Variants in PCNX2 observed in about 807,000 individuals in gnomAD.
The protein encoded by PCNX2 is pecanex 2.
PCNX2 carries 168 observed loss-of-function variants against 223.8 expected under a neutral mutation model. That is an observed-to-expected ratio of 0.75 (90% CI 0.66 to 0.85). The LOEUF (loss-of-function observed/expected upper bound fraction) is 0.85. Ranked by LOEUF, PCNX2 falls within the 40% of genes least tolerant of loss-of-function variation. PCNX2 has a pLI of 0.00. For missense variants in PCNX2, 2,507 were observed against 2,675.5 expected, an observed-to-expected ratio of 0.94 and a Z score of 1.39; for synonymous variants, 1,006 against 1,052.6, an observed-to-expected ratio of 0.96 and a Z score of 0.86.
intron 21 of PCNX2, 60 bp downstream of exon 21, chr1:233,134,953 A>C: frequency 7.2e-7 from 1 of 1,379,892 alleles, no homozygotes; most frequent in Non-Finnish European, 1.0e-6. Context: ...CTCTTAAAAC[A>C]TTTGATAAGA....
At chr1:233,318,220 G>A in the PCNX2 span, among the ~76,000 whole-genome samples, 11 of 152,282 alleles carry the variant, frequency 7.2e-5, no homozygotes, top group South Asian at 2.1e-3. Flanking sequence ...AAGGTTTGGG[G>A]AAAAATAACT....
rs1288374695 is a variant in PCNX2 at position 233,062,550 on chromosome 1, T to C, written c.4077-5260A>G. Among the ~76,000 whole-genome samples the C allele has an allele frequency of 2.6e-5, 4 of 152,256 alleles. 1 individual carries two copies. The highest frequency in any genetic ancestry group is 2.6e-4 in the Admixed American group (4 of 15,292). On this transcript the variant is annotated intron_variant, in intron 23 of 33. Transcript: ENST00000258229. ...CATTATAAAATGTTTTTAATCCTAA[T>C]GGCTTTTGCCCCAAATACATCTGTG... is the stretch of plus-strand genomic sequence containing the variant.
intron 19 of PCNX2, among the ~76,000 whole-genome samples, chr1:233,144,393 ATAAC>A (rs2102786484): frequency 6.6e-6 from 1 of 152,322 alleles, no homozygotes; most frequent in Admixed American, 6.5e-5. Context: ...TATAGAGTAC[ATAAC>A]TAGGTGTAGA....
At chr1:233,315,816 T>G in the PCNX2 span, among the ~76,000 whole-genome samples, 1 of 151,162 alleles carries the variant, frequency 6.6e-6, no homozygotes, top group African/African-American at 2.4e-5. Context: ...AACCTTTTTT[T>G]AAAAAAAAAA....
intron 21 of PCNX2, among the ~76,000 whole-genome samples, chr1:233,099,951 G>A (rs1211629282): frequency 1.3e-5 from 2 of 152,220 alleles, no homozygotes; most frequent in East Asian, 3.9e-4. Context: ...GACAGTTTGA[G>A]GTCTTTGTTT....
the PCNX2 span, among the ~76,000 whole-genome samples, chr1:233,323,873 T>C: frequency 6.6e-6 from 1 of 152,248 alleles, no homozygotes; most frequent in Non-Finnish European, 1.5e-5. Flanking sequence ...TAGAAATGAT[T>C]AAGCTTAGTG....
chr1:233,199,390 G>A (rs1198880307), intron 14 of PCNX2, among the ~76,000 whole-genome samples: 1 of 151,980 alleles, frequency 6.6e-6, no homozygotes, highest in Non-Finnish European at 1.5e-5. Context: ...GGAGAAGGAG[G>A]GAGAAGGCAG....
chr1:233,003,694 C>T (rs1440998882), intron 28 of PCNX2, among the ~76,000 whole-genome samples: 2 of 152,194 alleles, frequency 1.3e-5, no homozygotes, highest in African/African-American at 4.8e-5. Flanking sequence ...TATAAAGACA[C>T]ATGCACACGT....
intron 28 of PCNX2, among the ~76,000 whole-genome samples, chr1:233,013,690 C>A (rs1040623736): frequency 6.6e-6 from 1 of 152,148 alleles, no homozygotes. Flanking sequence ...CAATCCCAGA[C>A]GGGCAGAGGC....
intron 23 of PCNX2, chr1:233,057,978 A>G (rs2102881195): frequency 1.0e-6 from 1 of 985,214 alleles, no homozygotes; most frequent in Non-Finnish European, 1.2e-6. Context: ...TGAGTAGTCA[A>G]CGTCTCCACC....
rs200864263 is a variant in PCNX2, at chr1:233,258,699, G to A, written c.1163C>T (p.Thr388Ile). The A allele has an allele frequency of 2.9e-4, 461 of 1,613,838 alleles. No individual in the cohort carries two copies. Among genetic ancestry groups the A allele is most frequent in the Non-Finnish European group, 3.6e-4 (422 of 1,179,896 alleles). Reference protein sequence around the residue: ...ITMSSTPNSMTDLESSLHLRV... With the variant: ...ITMSSTPNSMIDLESSLHLRV... ...CAGGTGGAGGGAGCTTTCCAAATCT[G>A]TCATGGAGTTTGGGGTACTGCTCAT... The change falls in exon 5 of 34, where the codon ACA becomes ATA. Residue 388 changes from threonine to isoleucine, a missense_variant. Coordinates refer to ENST00000258229, the MANE Select transcript of PCNX2 (RefSeq NM_014801.4).
At chr1:233,123,724 A>C (rs1009952550) in intron 21 of PCNX2, among the ~76,000 whole-genome samples, 1 of 152,260 alleles carries the variant, frequency 6.6e-6, no homozygotes, top group African/African-American at 2.4e-5. Flanking sequence ...ATGAATGAGA[A>C]GAGATTTGGG....
At chr1:233,297,339 C>T (rs911372869), upstream of PCNX2, among the ~76,000 whole-genome samples, 1 of 152,156 alleles carries the variant, frequency 6.6e-6, no homozygotes, top group African/African-American at 2.4e-5. Context: ...AATATAGTCC[C>T]TACCATGAAG....
intron 19 of PCNX2, among the ~76,000 whole-genome samples, chr1:233,143,508 T>A (rs1677246432): frequency 6.6e-6 from 1 of 152,228 alleles, no homozygotes; most frequent in Non-Finnish European, 1.5e-5. Context: ...TTGTTACAAA[T>A]GTAAATTCTC....
chr1:233,017,247 T>A, intron 26 of PCNX2, 93 bp from the exon 27 acceptor site: 1 of 916,452 alleles, frequency 1.1e-6, no homozygotes, highest in Non-Finnish European at 1.6e-6. Flanking sequence ...AATCCCTACA[T>A]GTGGTATCAT....
intron 21 of PCNX2, among the ~76,000 whole-genome samples, chr1:233,103,265 C>CT (rs1191779885): frequency 6.6e-6 from 1 of 152,076 alleles, no homozygotes; most frequent in East Asian, 1.9e-4. Flanking sequence ...AGCATTTATC[C>CT]TTTGTGTTAT....
At chr1:233,242,601 T>C (rs1658839437) in intron 8 of PCNX2, among the ~76,000 whole-genome samples, 1 of 152,200 alleles carries the variant, frequency 6.6e-6, no homozygotes, top group Admixed American at 6.5e-5. Flanking sequence ...ATTACTTGGA[T>C]TCATTTATAC....
intron 19 of PCNX2, among the ~76,000 whole-genome samples, chr1:233,142,962 T>G (rs558198835): frequency 6.6e-6 from 1 of 152,278 alleles, no homozygotes; most frequent in African/African-American, 2.4e-5. Flanking sequence ...CTCCCCCTAT[T>G]ATTTTTCTTA....
intron 19 of PCNX2, among the ~76,000 whole-genome samples, chr1:233,145,205 A>AT (rs1304168841): frequency 6.6e-6 from 1 of 151,940 alleles, no homozygotes; most frequent in African/African-American, 2.4e-5. Flanking sequence ...TGACCTTGTG[A>AT]TTCGCCTGCT....
Sources: gnomAD v4.1 joint callset for allele counts (sites outside exome capture counted in the v4.1 genomes callset) on GRCh38, gnomAD v4.1.1 for gene constraint, MANE v1.5 for transcripts, NCBI Gene and HGNC (gene_info 2026-07-23, HGNC 2026-07-21) for gene names.